The following AHI1 variants were observed in gnomAD, a reference collection of about 807,000 sequenced individuals.
AHI1 encodes the protein Abelson helper integration site 1.
Under a neutral mutation model 149.3 loss-of-function variants are expected in AHI1, and 123 were observed. That is an observed-to-expected ratio of 0.82 (90% CI 0.71 to 0.96). AHI1 has a LOEUF of 0.96. Ranked by LOEUF, AHI1 falls within the 40% of genes least tolerant of loss-of-function variation. AHI1 has a pLI of 0.00. For synonymous variants in AHI1, 475 were observed against 459.8 expected (o/e 1.03, Z -0.42); for missense variants, 1,439 against 1,422.7 (o/e 1.01, Z -0.18).
At chr6:135,427,394 G>A in intron 19 of AHI1, 87 bp from the exon 20 acceptor site, 1 of 1,197,502 alleles carries the variant, frequency 8.4e-7, no homozygotes, top group Non-Finnish European at 1.2e-6. Context: ...CCATTTATTA[G>A]AAAATATTTA....
chr6:135,285,790 A>C, intron 28 of AHI1, 143 bp from the exon 29 acceptor site: 1 of 671,962 alleles, frequency 1.5e-6, no homozygotes, highest in Non-Finnish European at 2.5e-6. Flanking sequence ...ACAACTAAAA[A>C]AGACCAAAAT....
At chr6:135,430,373 G>A (rs1784480424) in intron 17 of AHI1, among the ~76,000 whole-genome samples, 1 of 151,790 alleles carries the variant, frequency 6.6e-6, no homozygotes, top group Admixed American at 6.6e-5. Context: ...ACCACATGTA[G>A]AAATAATTTT....
At chr6:135,490,812 A>G in intron 4 of AHI1, 65 bp from the exon 5 acceptor site, 2 of 1,539,282 alleles carry the variant, frequency 1.3e-6, no homozygotes, top group South Asian at 2.5e-5. Flanking sequence ...CTACACTACT[A>G]GGATGTTAAG....
At chr6:135,442,809 T>G in intron 13 of AHI1, 95 bp from the exon 14 acceptor site, 1 of 1,168,294 alleles carries the variant, frequency 8.6e-7, no homozygotes, top group Non-Finnish European at 1.2e-6. Context: ...TTAAGTCCTT[T>G]TATGATGCAG....
intron 16 of AHI1, among the ~76,000 whole-genome samples, chr6:135,431,895 A>G (rs77569079): frequency 0.024 from 3,699 of 152,250 alleles, 63 homozygotes; most frequent in East Asian, 0.054. Flanking sequence ...CAACTGGTGA[A>G]CTGCTTCCTG....
At chr6:135,357,633 A>G (rs1290934871) in intron 24 of AHI1, among the ~76,000 whole-genome samples, 1 of 152,228 alleles carries the variant, frequency 6.6e-6, no homozygotes, top group African/African-American at 2.4e-5. Flanking sequence ...TCAATTGCAA[A>G]CTAGCAACTA....
chr6:135,456,367 C>T (rs988014077), intron 9 of AHI1, among the ~76,000 whole-genome samples: 3 of 151,986 alleles, frequency 2.0e-5, no homozygotes, highest in African/African-American at 7.2e-5. Context: ...ATGATGAAAC[C>T]TCGTTTCTAC....
intron 25 of AHI1, among the ~76,000 whole-genome samples, chr6:135,319,121 T>C (rs894548080): frequency 6.6e-6 from 1 of 152,304 alleles, no homozygotes; most frequent in South Asian, 2.1e-4. Context: ...AAATGCTTAA[T>C]GGAAGAAGTG....
chr6:135,394,817 G>T lies in AHI1; in HGVS notation c.3068C>A (p.Thr1023Asn). 1 of 1,609,402 alleles carries T rather than the reference G, an allele frequency of 6.2e-7. No homozygotes were observed. Among genetic ancestry groups the T allele is most frequent in the Non-Finnish European group, 8.5e-7 (1 of 1,177,580 alleles). The change falls in exon 23 of 29, where the codon ACC (threonine) becomes AAC (asparagine). Residue 1023 changes from threonine (T) to asparagine (N), a missense_variant. Transcript: ENST00000265602. ...QSKLKQSNML[T>N]AQEILHQFGF... The stretch of plus-strand genomic sequence containing the variant: ...AAACTGATGTAGAATCTCTTGAGCG[G>T]TCAGCATGTTTGACTGCTTTAACTT...
intron 1 of AHI1, 35 bp from the exon 2 acceptor site, chr6:135,497,284 A>T (rs1490373577): frequency 6.6e-6 from 1 of 152,258 alleles, no homozygotes; most frequent in Non-Finnish European, 1.5e-5. Context: ...TACACATCTG[A>T]TTTAAAAGCA....
chr6:135,337,492 C>T (rs1489009124), intron 24 of AHI1, among the ~76,000 whole-genome samples: 2 of 151,948 alleles, frequency 1.3e-5, no homozygotes, highest in Non-Finnish European at 2.9e-5. Context: ...AGTGCAGTGG[C>T]TCATGCCTGT....
intron 23 of AHI1, among the ~76,000 whole-genome samples, chr6:135,393,739 A>G (rs1189793874): frequency 6.6e-6 from 1 of 152,092 alleles, no homozygotes; most frequent in African/African-American, 2.4e-5. Flanking sequence ...TACAATATAA[A>G]TATGTTATAT....
At chr6:135,430,858 C>A (rs1784547468) in intron 17 of AHI1, among the ~76,000 whole-genome samples, 1 of 151,592 alleles carries the variant, frequency 6.6e-6, no homozygotes, top group Non-Finnish European at 1.5e-5. Context: ...ATAATTGGAC[C>A]AAGGAAAAAG....
chr6:135,382,515 T>C (rs896293230), intron 23 of AHI1, among the ~76,000 whole-genome samples: 1 of 152,184 alleles, frequency 6.6e-6, no homozygotes, highest in Non-Finnish European at 1.5e-5. Flanking sequence ...TATCACAGAC[T>C]GTTCACTATC....
intron 27 of AHI1, chr6:135,297,380 C>G: frequency 2.2e-6 from 1 of 455,368 alleles, no homozygotes; most frequent in Non-Finnish European, 4.4e-6. Context: ...AGTTCTTTCC[C>G]ACATCACATC....
chr6:135,462,892 C>T (rs977117315), intron 8 of AHI1, among the ~76,000 whole-genome samples: 1 of 151,914 alleles, frequency 6.6e-6, no homozygotes, highest in Non-Finnish European at 1.5e-5. Flanking sequence ...CAGAGTAAGA[C>T]ACCATCTCAA....
chr6:135,379,770 C>T (rs1202752435), intron 23 of AHI1, among the ~76,000 whole-genome samples: 1 of 152,178 alleles, frequency 6.6e-6, no homozygotes, highest in Non-Finnish European at 1.5e-5. Flanking sequence ...GCTATACTGA[C>T]CTCTTTGCTG....
At chr6:135,328,382 T>C (rs1039099099) in intron 24 of AHI1, among the ~76,000 whole-genome samples, 1 of 152,266 alleles carries the variant, frequency 6.6e-6, no homozygotes, top group Non-Finnish European at 1.5e-5. Context: ...TGTCATATTC[T>C]GGTAATTCTT....
rs117138438 is a variant in AHI1, at chr6:135,479,067, A to G, written c.136-11433T>C. Among the ~76,000 whole-genome samples the G allele has an allele frequency of 4.9e-3, 740 of 152,358 alleles. 3 individuals carry two copies. The highest frequency in any genetic ancestry group is 8.6e-3 in the Non-Finnish European group (588 of 68,020). On this transcript the variant is annotated intron_variant, in intron 5 of 28. Transcript: ENST00000265602. ...GCCTAGATTACAGAGGATGTATAGA[A>G]ATGCTTGGATGTCCAGGTAGAAGTC...
Sources: gnomAD v4.1 joint callset for allele counts (sites outside exome capture counted in the v4.1 genomes callset) on GRCh38, gnomAD v4.1.1 for gene constraint, MANE v1.5 for transcripts, NCBI Gene and HGNC (gene_info 2026-07-23, HGNC 2026-07-21) for gene names.